The following RNF144A variants were observed in gnomAD, a reference collection of about 807,000 sequenced individuals.
RNF144A encodes E3 ubiquitin-protein ligase RNF144A.
A neutral mutation model predicts 38.7 loss-of-function variants in RNF144A; 11 were observed. The ratio of observed to expected loss-of-function variants is 0.28; its 90% CI spans 0.18 to 0.47. The LOEUF is 0.47. Ranked by LOEUF, RNF144A falls within the 20% of genes least tolerant of loss-of-function variation. The pLI, the probability that RNF144A is intolerant of heterozygous loss-of-function variation, is 0.99. For missense variants in RNF144A, 316 were observed against 377.2 expected, an observed-to-expected ratio of 0.84 and a Z score of 1.34; for synonymous variants, 149 against 143.9, an observed-to-expected ratio of 1.04 and a Z score of -0.25.
chr2:6,981,986 G>C (rs549591141), intron 2 of RNF144A, among the ~76,000 whole-genome samples: 248 of 152,316 alleles, frequency 1.6e-3, no homozygotes, highest in Non-Finnish European at 2.9e-3. Flanking sequence ...TCACAAGGCG[G>C]CAGGAGAGAG....
chr2:7,008,251 A>T (rs1045382341), intron 3 of RNF144A, among the ~76,000 whole-genome samples: 2 of 152,206 alleles, frequency 1.3e-5, no homozygotes, highest in Non-Finnish European at 2.9e-5. Flanking sequence ...CCTTTTTGGC[A>T]GCGGGTGCGT....
intron 2 of RNF144A, among the ~76,000 whole-genome samples, chr2:6,947,614 C>G (rs1666421604): frequency 1.3e-5 from 2 of 152,188 alleles, no homozygotes. Flanking sequence ...CCAGAAGTTA[C>G]ATCATTTTCA....
At position 6,943,060 on chromosome 2, in the gene RNF144A, C is replaced by A. The variant is rs1231732495; in HGVS notation, c.-12+1913C>A. On this transcript the variant is annotated intron_variant, in intron 2 of 8. Coordinates refer to ENST00000320892, the MANE Select transcript of RNF144A (RefSeq NM_014746.6). The surrounding 1 kb of genome is among the most constrained non-coding windows in gnomAD (Gnocchi z 4.3). Reference sequence around the variant, plus strand: ...AGATTATAAGCCACCCACATGGAGACACCGAGTGGGTGGTCCTATCCAGAT... The same window carrying A: ...AGATTATAAGCCACCCACATGGAGAAACCGAGTGGGTGGTCCTATCCAGAT... 6.6e-6 allele frequency among the ~76,000 whole-genome samples: 1 copy of A among 152,186 alleles called. No individual in the cohort carries two copies. Among genetic ancestry groups the A allele is most frequent in the African/African-American group, 2.4e-5 (1 of 41,438 alleles).
chr2:6,918,025 C>A (rs1212493348), intron 1 of RNF144A, among the ~76,000 whole-genome samples: 2 of 151,934 alleles, frequency 1.3e-5, no homozygotes, highest in South Asian at 4.1e-4. Flanking sequence ...GGCGAGCTGG[C>A]GGCGGGGGCT....
At chr2:7,021,656 T>A (rs1371349471) in intron 6 of RNF144A, among the ~76,000 whole-genome samples, 1 of 152,208 alleles carries the variant, frequency 6.6e-6, no homozygotes, top group East Asian at 1.9e-4. Context: ...CCCCCTGAGA[T>A]TCTCTGCATT....
At chr2:7,008,215 CTG>C (rs1438410790) in intron 3 of RNF144A, among the ~76,000 whole-genome samples, 3 of 152,382 alleles carry the variant, frequency 2.0e-5, no homozygotes, top group African/African-American at 7.2e-5. Context: ...GGACAGGCAA[CTG>C]TGAGAACAAA....
intron 8 of RNF144A, among the ~76,000 whole-genome samples, chr2:7,034,260 A>G (rs995486567): frequency 1.3e-4 from 20 of 151,824 alleles, no homozygotes; most frequent in Non-Finnish European, 2.4e-4. Context: ...CGACAGAGCA[A>G]GACTCTGTCT....
downstream of RNF144A, chr2:7,044,280 G>T: frequency 5.0e-6 from 4 of 797,060 alleles, no homozygotes; most frequent in Non-Finnish European, 6.1e-6. Flanking sequence ...ATTGAAGATT[G>T]AAAATATTCA....
chr2:7,041,778 T>TGA lies in RNF144A; in HGVS notation c.*2019_*2020insAG, dbSNP rs1673058997. 2.0e-6 allele frequency: 2 copies of TGA among 985,510 alleles called. No individual in the cohort carries two copies. The highest frequency in any genetic ancestry group is 2.4e-6 in the Non-Finnish European group (2 of 830,104). The allele number at this position is 985,510 out of a possible 1,614,324, so 61.0% of individuals were successfully genotyped here. A position where few individuals can be genotyped will look rare whatever the true frequency, so the allele number is the denominator to read the frequency against. ...CATCCTTCCTGCCTGAAATTGCTGC[T>TGA]GCCCATCGCATGAGCCCACACAGTA... is the stretch of plus-strand genomic sequence containing the variant. On this transcript the variant is annotated 3_prime_UTR_variant, in exon 9 of 9. Coordinates refer to ENST00000320892, the MANE Select transcript of RNF144A (RefSeq NM_014746.6).
chr2:6,955,266 G>A (rs754186745), intron 2 of RNF144A, among the ~76,000 whole-genome samples: 2 of 152,174 alleles, frequency 1.3e-5, no homozygotes, highest in Non-Finnish European at 2.9e-5. Context: ...TCTTATGGAA[G>A]CCTAATGTCT....
At chr2:7,058,410 A>G (rs1425068937) in intron 6 of RNF144A, among the ~76,000 whole-genome samples, 7 of 152,144 alleles carry the variant, frequency 4.6e-5, no homozygotes, top group Non-Finnish European at 1.0e-4. Flanking sequence ...TTGTTTAAAC[A>G]TAGAAATATC....
chr2:7,071,312 C>T (rs565633512), downstream of RNF144A, among the ~76,000 whole-genome samples: 2 of 152,286 alleles, frequency 1.3e-5, no homozygotes, highest in South Asian at 4.1e-4. Context: ...GGCAGAAACG[C>T]AATGGGCAGT....
intron 1 of RNF144A, chr2:6,918,696 G>A (rs532730438): frequency 1.3e-4 from 19 of 144,280 alleles, no homozygotes; most frequent in African/African-American, 4.9e-4. Context: ...CCCGGAAGGC[G>A]GAGCTTGCAG....
At chr2:6,967,984 A>G (rs1667777484) in intron 2 of RNF144A, among the ~76,000 whole-genome samples, 1 of 152,144 alleles carries the variant, frequency 6.6e-6, no homozygotes, top group Non-Finnish European at 1.5e-5. Context: ...TTTTTTTCAG[A>G]AACGGGTCAC....
intron 2 of RNF144A, among the ~76,000 whole-genome samples, chr2:6,979,059 G>A (rs760656087): frequency 2.0e-5 from 3 of 152,202 alleles, no homozygotes; most frequent in Non-Finnish European, 4.4e-5. Context: ...GACAGGAGCA[G>A]CCTTGTGTGT....
At chr2:6,929,247 G>A (rs1055476599) in intron 1 of RNF144A, among the ~76,000 whole-genome samples, 3 of 152,174 alleles carry the variant, frequency 2.0e-5, no homozygotes, top group Non-Finnish European at 4.4e-5. Context: ...AAGGAGAGAT[G>A]AGACCTGTGG....
At chr2:7,020,785 C>G (rs929711236) in intron 6 of RNF144A, 105 bp downstream of exon 6, 1 of 952,944 alleles carries the variant, frequency 1.0e-6, no homozygotes, top group Non-Finnish European at 1.6e-6. Context: ...GGCTGTGGCT[C>G]AGTCAACCCT....
downstream of RNF144A, among the ~76,000 whole-genome samples, chr2:7,072,006 C>T (rs1267609513): frequency 6.6e-6 from 1 of 152,138 alleles, no homozygotes; most frequent in Non-Finnish European, 1.5e-5. Context: ...CTAGGCAATC[C>T]CCCACGTTGC....
intron 2 of RNF144A, among the ~76,000 whole-genome samples, chr2:6,960,786 A>G (rs758931854): frequency 2.6e-5 from 4 of 152,174 alleles, no homozygotes; most frequent in Non-Finnish European, 2.9e-5. Context: ...CACCGCAGAC[A>G]GGCAGGTCTG....
Sources: allele counts gnomAD v4.1 joint callset (sites outside exome capture counted in the v4.1 genomes callset), GRCh38; gene constraint gnomAD v4.1.1; non-coding constraint Gnocchi (gnomAD v3.1); transcripts MANE v1.5; gene names NCBI Gene and HGNC (gene_info 2026-07-23, HGNC 2026-07-21).